EBF3: variants seen among roughly 807,000 people sequenced by gnomAD.
EBF3 encodes transcription factor COE3.
EBF3 carries 18 observed loss-of-function variants against 77.1 expected under a neutral mutation model. The ratio of observed to expected loss-of-function variants is 0.23; its 90% CI spans 0.16 to 0.35. The LOEUF (loss-of-function observed/expected upper bound fraction) is 0.35, where lower values mean the gene tolerates loss of function less well. EBF3 is among the 10% of genes least tolerant of loss of function. The probability of loss-of-function intolerance (pLI) is 1.00; values close to 1 mark genes in which losing one functional copy is unlikely to be tolerated. For missense variants in EBF3, 558 were observed against 860.0 expected, an observed-to-expected ratio of 0.65 and a Z score of 4.39; for synonymous variants, 350 against 343.5, an observed-to-expected ratio of 1.02 and a Z score of -0.21.
rs1424788256 is a variant in EBF3 at position 129,863,393 on chromosome 10, T to C, written c.1039+3748A>G. Among the ~76,000 whole-genome samples the C allele has an allele frequency of 6.6e-6, 1 of 152,262 alleles. No homozygotes were observed. The highest frequency in any genetic ancestry group is 1.5e-5 in the Non-Finnish European group (1 of 68,042). ...CTGGATGGATGGGGCCTGGCCTGCC[T>C]TCCCCTTCCCACTCGGGGTTGACTA... On this transcript the variant is annotated intron_variant, in intron 10 of 16. Coordinates refer to ENST00000440978, the MANE Select transcript of EBF3 (RefSeq NM_001375380.1). This position sits in a 1 kb window ranked among gnomAD's most constrained non-coding sequence, Gnocchi z 4.0.
chr10:129,941,052 G>A (rs1390991759), intron 6 of EBF3, among the ~76,000 whole-genome samples: 2 of 152,204 alleles, frequency 1.3e-5, no homozygotes, highest in Non-Finnish European at 2.9e-5. Flanking sequence ...ACGTGAGGGA[G>A]AGCCCGCCCA....
chr10:129,910,857 A>C (rs2134291693), intron 6 of EBF3, among the ~76,000 whole-genome samples: 1 of 152,312 alleles, frequency 6.6e-6, no homozygotes, highest in South Asian at 2.1e-4. Flanking sequence ...CACGTGGTCC[A>C]AGGGGAGGGT....
At position 129,837,404 on chromosome 10, in the gene EBF3, T is replaced by C. The variant is rs1005896512; in HGVS notation, c.*539A>G. 5 of 152,996 alleles carry C rather than the reference T, an allele frequency of 3.3e-5. No individual in the cohort carries two copies. The highest frequency in any genetic ancestry group is 7.3e-5 in the Non-Finnish European group (5 of 68,736). 9.5% of individuals were successfully genotyped at this position (152,996 alleles called of 1,614,324 possible). ...GCCACCCCAGTTTCTCCTCATCATATAGTCATCCTTTTTTCCAGTCTGATG... is the reference window on the plus strand; with the variant it reads ...GCCACCCCAGTTTCTCCTCATCATACAGTCATCCTTTTTTCCAGTCTGATG... On this transcript the variant is annotated 3_prime_UTR_variant, in exon 17 of 17. Transcript: ENST00000440978.
chr10:129,931,231 C>A (rs1306856892), intron 6 of EBF3, among the ~76,000 whole-genome samples: 1 of 152,180 alleles, frequency 6.6e-6, no homozygotes, highest in East Asian at 1.9e-4. Context: ...GACAGGATAG[C>A]ACTTAAAGAG....
intron 6 of EBF3, among the ~76,000 whole-genome samples, chr10:129,911,570 T>A (rs1855526201): frequency 1.3e-5 from 2 of 152,110 alleles, no homozygotes; most frequent in South Asian, 4.1e-4. Flanking sequence ...AGAAAAGGCA[T>A]CCACCTGCCT....
intron 5 of EBF3, among the ~76,000 whole-genome samples, chr10:129,958,539 A>G (rs1281966100): frequency 6.6e-6 from 1 of 152,156 alleles, no homozygotes; most frequent in Non-Finnish European, 1.5e-5. Flanking sequence ...GTAAGTACAA[A>G]AGAGTTTCCT....
At chr10:129,906,524 G>A (rs1041227535) in intron 6 of EBF3, among the ~76,000 whole-genome samples, 7 of 152,216 alleles carry the variant, frequency 4.6e-5, no homozygotes, top group African/African-American at 1.2e-4. Flanking sequence ...TCTGGGTGCT[G>A]TCACACCCTC....
rs147566811 is a variant in EBF3, at chr10:129,916,454, G to A, written c.555-38605C>T. On this transcript the variant is annotated intron_variant, in intron 6 of 16. Coordinates refer to ENST00000440978, the MANE Select transcript of EBF3 (RefSeq NM_001375380.1). ...CTGGCATGTGGACTGGATTCAGGACGGGTGCAGAAAACGACACCAAGAATG... is the reference window on the plus strand; with the variant it reads ...CTGGCATGTGGACTGGATTCAGGACAGGTGCAGAAAACGACACCAAGAATG... Among the ~76,000 whole-genome samples, 366 of 152,344 alleles carry A rather than the reference G, an allele frequency of 2.4e-3. 1 individual carries two copies. The highest frequency in any genetic ancestry group is 8.2e-3 in the African/African-American group (339 of 41,580).
chr10:129,919,750 G>C (rs79449672), intron 6 of EBF3, among the ~76,000 whole-genome samples: 3,118 of 152,280 alleles, frequency 0.02, 50 homozygotes, highest in South Asian at 0.076. Flanking sequence ...CTAAGCAGAT[G>C]AGCAGGTCTC....
At chr10:129,849,392 CTAA>C (rs1850700076) in intron 10 of EBF3, among the ~76,000 whole-genome samples, 1 of 152,212 alleles carries the variant, frequency 6.6e-6, no homozygotes, top group Admixed American at 6.5e-5. Context: ...TTTTCGGAGA[CTAA>C]TAAGACCTGC....
At chr10:129,926,539 A>G (rs888070081) in intron 6 of EBF3, among the ~76,000 whole-genome samples, 3 of 152,104 alleles carry the variant, frequency 2.0e-5, no homozygotes, top group Non-Finnish European at 4.4e-5. Flanking sequence ...TGTCACCCCA[A>G]AGCTCCACAG....
chr10:129,889,190 C>G (rs1853832361), intron 6 of EBF3, among the ~76,000 whole-genome samples: 1 of 152,254 alleles, frequency 6.6e-6, no homozygotes, highest in African/African-American at 2.4e-5. Flanking sequence ...AACAGAGCAG[C>G]ATGTGCCCTG....
chr10:129,886,519 C>T (rs933985355), intron 6 of EBF3, among the ~76,000 whole-genome samples: 2 of 152,216 alleles, frequency 1.3e-5, no homozygotes, highest in East Asian at 1.9e-4. Flanking sequence ...AAATTAATCC[C>T]GTTCTGTGGC....
At chr10:129,843,423 C>A (rs1363458023) in intron 11 of EBF3, 3 of 498,346 alleles carry the variant, frequency 6.0e-6, no homozygotes, top group African/African-American at 1.9e-5. Flanking sequence ...AAAGCGTTTT[C>A]TGTGGCTCCT....
At position 129,958,852 on chromosome 10, in the gene EBF3, G is replaced by A; in HGVS notation, c.485+82C>T. The A allele has an allele frequency of 3.4e-6, 5 of 1,466,956 alleles. No individual in the cohort carries two copies. In the South Asian group the frequency reaches 4.1e-5, roughly 12 times the overall value. The allele number at this position is 1,466,956 out of a possible 1,614,324, so 90.9% of individuals were successfully genotyped here. On this transcript the variant is annotated intron_variant, in intron 5 of 16. Transcript: ENST00000440978. ...CCTTCCCGGAGCTGGGCGGGGTGGC[G>A]GCGCCTGGACGCGGCGTCCTTTGTA...
At chr10:129,930,716 ATAT>A (rs1856960806) in intron 6 of EBF3, among the ~76,000 whole-genome samples, 1 of 146,896 alleles carries the variant, frequency 6.8e-6, no homozygotes, top group African/African-American at 2.5e-5. Context: ...CCCCTCTCAT[ATAT>A]CTGTATCTGT....
intron 6 of EBF3, among the ~76,000 whole-genome samples, chr10:129,929,237 C>A (rs1856854777): frequency 6.6e-6 from 1 of 152,052 alleles, no homozygotes; most frequent in Non-Finnish European, 1.5e-5. Flanking sequence ...CAGGGTCTGG[C>A]TTTGTCACCC....
In EBF3 at chr10:129,870,607, T is replaced by G. The variant is rs1852338459; in HGVS notation, c.782-2695A>C. On this transcript the variant is annotated intron_variant, in intron 8 of 16. Transcript: ENST00000440978. The surrounding 1 kb of genome is among the most constrained non-coding windows in gnomAD (Gnocchi z 4.4). ...TAACTCTGAGGATCCTCTCAGCTAC[T>G]TGGGAGAAGAGGCGCTCACAAGGAA... 6.6e-6 allele frequency among the ~76,000 whole-genome samples: 1 copy of G among 152,104 alleles called. No individual in the cohort carries two copies. Among genetic ancestry groups the G allele is most frequent in the African/African-American group, 2.4e-5 (1 of 41,422 alleles).
intron 10 of EBF3, among the ~76,000 whole-genome samples, chr10:129,855,072 G>A (rs1356473491): frequency 6.6e-6 from 1 of 152,214 alleles, no homozygotes; most frequent in Non-Finnish European, 1.5e-5. Context: ...CCTGCCTAGG[G>A]TCACCCTGGG....
Sources: allele counts gnomAD v4.1 joint callset (sites outside exome capture counted in the v4.1 genomes callset), GRCh38; gene constraint gnomAD v4.1.1; non-coding constraint Gnocchi (gnomAD v3.1); transcripts MANE v1.5; gene names NCBI Gene and HGNC (gene_info 2026-07-23, HGNC 2026-07-21).